Variants in LAMB1 observed in about 807,000 individuals in gnomAD.
LAMB1 encodes laminin subunit beta 1, also known as laminin subunit beta-1.
Under a neutral mutation model 222.3 loss-of-function variants are expected in LAMB1, and 121 were observed. The ratio of observed to expected loss-of-function variants is 0.54; its 90% CI spans 0.47 to 0.63. The LOEUF (loss-of-function observed/expected upper bound fraction) is 0.63, where lower values mean the gene tolerates loss of function less well. LAMB1 is among the 30% of genes least tolerant of loss of function. LAMB1 has a pLI of 0.00. For missense variants in LAMB1, 2,172 were observed against 2,240.8 expected, an observed-to-expected ratio of 0.97 and a Z score of 0.62; for synonymous variants, 794 against 807.2, an observed-to-expected ratio of 0.98 and a Z score of 0.28.
In LAMB1 at chr7:107,959,755, C is replaced by T. The variant is rs763542617; in HGVS notation, c.2394G>A (p.Val798=). 3 of 1,614,188 alleles carry T rather than the reference C, an allele frequency of 1.9e-6. No homozygotes were observed. Among genetic ancestry groups the T allele is most frequent in the East Asian group, 4.5e-5 (2 of 44,880 alleles). The change falls in exon 19 of 34, where the codon GTG becomes GTA. Residue 798 remains valine, a synonymous_variant. Coordinates refer to ENST00000222399, the MANE Select transcript of LAMB1 (RefSeq NM_002291.3). ...NGGQCQCRPN[V]VGRTCNRCAP... ...CACATCTGTTGCAGGTTCTTCCAAC[C>T]ACGTTGGGCCGGCACTGGCACTGGC...
chr7:107,995,945 G>T (rs1313867858), intron 4 of LAMB1, among the ~76,000 whole-genome samples: 1 of 152,186 alleles, frequency 6.6e-6, no homozygotes, highest in Non-Finnish European at 1.5e-5. Context: ...AGTCAATTGA[G>T]GGGGCGGGGG....
chr7:108,002,377 T>C (rs2034407872), intron 2 of LAMB1: 5 of 1,316,508 alleles, frequency 3.8e-6, no homozygotes. Flanking sequence ...CGCCAGGTCC[T>C]GCTGTTTCTG....
intron 24 of LAMB1, among the ~76,000 whole-genome samples, chr7:107,947,166 G>GC (rs962253102): frequency 6.6e-6 from 1 of 152,162 alleles, no homozygotes; most frequent in Non-Finnish European, 1.5e-5. Flanking sequence ...TCGACCAACA[G>GC]CCCCAACCCG....
chr7:107,972,934 G>A lies in LAMB1; in HGVS notation c.1562+58C>T, dbSNP rs2701034. The A allele has an allele frequency of 0.58, 771,622 of 1,340,360 alleles. 225,404 individuals are homozygous for A. The highest frequency in any genetic ancestry group is 0.8 in the African/African-American group (55,492 of 69,764). The allele number at this position is 1,340,360 out of a possible 1,614,324, so 83.0% of individuals were successfully genotyped here. Reference sequence around the variant, plus strand: ...AAACAACTGAATGTCACCCATTCCTGTAAGTCATGACTTTCCTGGAAGACT... The same window carrying A: ...AAACAACTGAATGTCACCCATTCCTATAAGTCATGACTTTCCTGGAAGACT... On this transcript the variant is annotated intron_variant, in intron 13 of 33. Coordinates refer to ENST00000222399, the MANE Select transcript of LAMB1 (RefSeq NM_002291.3).
intron 24 of LAMB1, among the ~76,000 whole-genome samples, chr7:107,943,032 CT>C (rs748722009): frequency 2.0e-5 from 3 of 152,094 alleles, no homozygotes; most frequent in Non-Finnish European, 4.4e-5. Context: ...TTTCCAGGTA[CT>C]TAAAGTATGT....
rs140087518 is a variant in LAMB1 at position 107,975,281 on chromosome 7, T to G, written c.1322A>C (p.Lys441Thr). The G allele has an allele frequency of 6.2e-7, 1 of 1,614,100 alleles. No homozygotes were observed. Among genetic ancestry groups the G allele is most frequent in the Admixed American group, 1.7e-5 (1 of 60,006 alleles). The change falls in exon 11 of 34, where the codon AAA (lysine) becomes ACA (threonine). Residue 441 changes from lysine (K) to threonine (T), a missense_variant. Lys to Thr is a moderately conservative substitution (Grantham distance 78). Transcript: ENST00000222399. ...NVEGEHCDVC[K>T]EGFYDLSSED... is the part of the protein sequence containing the mutation. ...ACTGCTTAAATCATAGAAGCCTTCT[T>G]TGCAAACATCACAATGTTCTCCTTC...
intron 27 of LAMB1, 68 bp downstream of exon 27, chr7:107,935,347 G>GTTTTTCTTTTT: frequency 8.5e-7 from 1 of 1,171,424 alleles, no homozygotes; most frequent in Non-Finnish European, 1.1e-6. Flanking sequence ...GTTTTTCTTT[G>GTTTTTCTTTTT]TTTTTTTTTT....
At chr7:107,933,422 C>A (rs1554402917) in intron 27 of LAMB1, among the ~76,000 whole-genome samples, 1 of 152,024 alleles carries the variant, frequency 6.6e-6, no homozygotes, top group Non-Finnish European at 1.5e-5. Flanking sequence ...TCTCAAATTA[C>A]AACTAAATAA....
In LAMB1 at chr7:107,998,435, G is replaced by T; in HGVS notation, c.271C>A (p.Pro91Thr). The change falls in exon 4 of 34, where the codon CCT (proline) becomes ACT (threonine). Residue 91 changes from proline (P) to threonine (T), a missense_variant. By Grantham distance (38) the Pro-to-Thr change is conservative. Transcript: ENST00000222399. ...SQDPYHETLN[P>T]DSHLIENVVT... is the part of the protein sequence containing the mutation. ...ACATTTTCAATGAGATGGCTGTCAGGATTCAGGGTCTCATGATAAGGATCT... is the reference window on the plus strand; with the variant it reads ...ACATTTTCAATGAGATGGCTGTCAGTATTCAGGGTCTCATGATAAGGATCT... 6.2e-7 allele frequency: 1 copy of T among 1,613,808 alleles called. No homozygotes were observed. The highest frequency in any genetic ancestry group is 8.5e-7 in the Non-Finnish European group (1 of 1,179,736).
At chr7:107,977,423 C>G (rs886409544) in intron 9 of LAMB1, among the ~76,000 whole-genome samples, 7 of 152,158 alleles carry the variant, frequency 4.6e-5, no homozygotes, top group African/African-American at 1.4e-4. Context: ...AAATGCTACT[C>G]CATATCTCTT....
intron 14 of LAMB1, 76 bp downstream of exon 14, chr7:107,964,476 G>A (rs539127195): frequency 6.5e-7 from 1 of 1,545,774 alleles, no homozygotes; most frequent in East Asian, 2.3e-5. Context: ...CTGAAATGGG[G>A]TCTTTACAAA....
chr7:107,977,939 G>A, intron 9 of LAMB1, 108 bp downstream of exon 9: 1 of 1,277,214 alleles, frequency 7.8e-7, no homozygotes, highest in Admixed American at 2.0e-5. Flanking sequence ...AAAAAAGACA[G>A]TAACTTTTCT....
chr7:108,000,335 AG>A (rs1161877149), intron 3 of LAMB1, among the ~76,000 whole-genome samples: 2 of 152,204 alleles, frequency 1.3e-5, no homozygotes, highest in Non-Finnish European at 2.9e-5. Flanking sequence ...CTAATTGATC[AG>A]GTCTCCAGAA....
chr7:107,992,583 G>C (rs2150451183), intron 5 of LAMB1, among the ~76,000 whole-genome samples: 1 of 152,316 alleles, frequency 6.6e-6, no homozygotes, highest in Non-Finnish European at 1.5e-5. Flanking sequence ...AGGGCAACAA[G>C]ATTATCCCAG....
chr7:107,940,227 C>T lies in LAMB1; in HGVS notation c.3523G>A (p.Asp1175Asn). Residue 1175 changes from aspartate (D) to asparagine (N), a missense_variant, in exon 25 of 34, where the codon GAC becomes AAC. Coordinates refer to ENST00000222399, the MANE Select transcript of LAMB1 (RefSeq NM_002291.3). ...CTRGYSGVFP[D>N]CTPCHQCFAL... ...AAGCACTGGTGGCAGGGTGTGCAGT[C>T]AGGGAAGACCCCCGAGTACCCTCGC... 1 of 1,614,186 alleles carries T rather than the reference C, an allele frequency of 6.2e-7. No individual in the cohort carries two copies. The highest frequency in any genetic ancestry group is 8.5e-7 in the Non-Finnish European group (1 of 1,180,034).
At chr7:107,977,606 G>A (rs1306311073) in intron 9 of LAMB1, among the ~76,000 whole-genome samples, 1 of 152,076 alleles carries the variant, frequency 6.6e-6, no homozygotes, top group Non-Finnish European at 1.5e-5. Context: ...TGACTAACAC[G>A]ATGAAACCTC....
rs116837447 is a variant in LAMB1 at position 107,957,544 on chromosome 7, G to A, written c.2690+1705C>T. ...GCCTGGGCAACAAGAGCAAAACTCC[G>A]TCTCAAAAAAATTTTCTAGAAGCTG... On this transcript the variant is annotated intron_variant, in intron 20 of 33. Transcript: ENST00000222399. Among the ~76,000 whole-genome samples, 672 of 152,266 alleles carry A rather than the reference G, an allele frequency of 4.4e-3. 1 individual carries two copies. Among genetic ancestry groups the A allele is most frequent in the African/African-American group, 0.015 (639 of 41,536 alleles).
intron 24 of LAMB1, chr7:107,942,567 ACAC>A (rs1202302111): frequency 6.6e-6 from 1 of 152,202 alleles, no homozygotes; most frequent in Non-Finnish European, 1.5e-5. Flanking sequence ...TGCCTTCTCC[ACAC>A]ATGTTATGTG....
intron 13 of LAMB1, among the ~76,000 whole-genome samples, chr7:107,968,893 T>C (rs184273902): frequency 6.6e-6 from 1 of 152,248 alleles, no homozygotes; most frequent in Admixed American, 6.5e-5. Flanking sequence ...ACTTATATTG[T>C]TTTAAACAAC....
Sources: gnomAD v4.1 joint callset for allele counts (sites outside exome capture counted in the v4.1 genomes callset) on GRCh38, gnomAD v4.1.1 for gene constraint, MANE v1.5 for transcripts, NCBI Gene and HGNC (gene_info 2026-07-23, HGNC 2026-07-21) for gene names.